Variants in POM121C observed in about 807,000 individuals in gnomAD.
POM121C encodes the protein POM121 transmembrane nucleoporin C.
POM121C carries 20 observed loss-of-function variants against 66.4 expected under a neutral mutation model. The observed-to-expected ratio is 0.30, with a 90% CI of 0.21 to 0.44. The LOEUF is 0.44. POM121C is among the 20% of genes least tolerant of loss of function. The pLI, the probability that POM121C is intolerant of heterozygous loss-of-function variation, is 1.00. For missense variants in POM121C, 580 were observed against 1,225.7 expected (o/e 0.47, Z 7.87); for synonymous variants, 286 against 528.0 (o/e 0.54, Z 6.28).
chr7:75,425,262 C>T, intron 9 of POM121C, 67 bp from the exon 10 acceptor site: 3 of 1,024,566 alleles, frequency 2.9e-6, no homozygotes, highest in Non-Finnish European at 4.2e-6. Flanking sequence ...TGTGTCTACC[C>T]ACTTCGCATT....
chr7:75,469,242 G>C (rs1407756208), intron 3 of POM121C, among the ~76,000 whole-genome samples: 2 of 151,988 alleles, frequency 1.3e-5, no homozygotes, highest in African/African-American at 4.8e-5. Context: ...TGGGACTACA[G>C]GCATGCACTA....
At chr7:75,441,265 G>A (rs1481516056) in intron 4 of POM121C, 150 bp from the exon 5 acceptor site, 20 of 1,351,110 alleles carry the variant, frequency 1.5e-5, no homozygotes, top group South Asian at 1.4e-4. Context: ...TTTCGTTAAC[G>A]GCAAAAAGTG....
intron 7 of POM121C, among the ~76,000 whole-genome samples, chr7:75,434,695 G>A (rs1790339050): frequency 6.6e-6 from 1 of 150,664 alleles, no homozygotes; most frequent in Non-Finnish European, 1.5e-5. Context: ...AGATTCTCCT[G>A]CCTCAGCGTC....
At chr7:75,433,712 G>A (rs587685933) in intron 7 of POM121C, among the ~76,000 whole-genome samples, 1 of 152,212 alleles carries the variant, frequency 6.6e-6, no homozygotes, top group Admixed American at 6.5e-5. Flanking sequence ...TCTGACCCTT[G>A]TTTTTTATAT....
rs782711347 is a variant in POM121C, at chr7:75,468,847, C to A, written c.-152+5857G>T. On this transcript the variant is annotated intron_variant, in intron 3 of 14. Transcript: ENST00000615331. ...GACCAGCCTGGGCAACTTAGTGAGACCCCATCTGTCTATTTATTTTTAAAA... is the reference window on the plus strand; with the variant it reads ...GACCAGCCTGGGCAACTTAGTGAGAACCCATCTGTCTATTTATTTTTAAAA... Among the ~76,000 whole-genome samples, 3 of 152,256 alleles carry A rather than the reference C, an allele frequency of 2.0e-5. No homozygotes were observed. In the South Asian group the frequency reaches 6.2e-4, roughly 32 times the overall value.
At chr7:75,425,542 T>A in intron 9 of POM121C, 93 bp downstream of exon 9, 1 of 1,166,484 alleles carries the variant, frequency 8.6e-7, no homozygotes, top group African/African-American at 1.5e-5. Context: ...ATAGCAATGC[T>A]CAAGACCTTT....
At chr7:75,441,774 C>T in intron 3 of POM121C, 127 bp from the exon 4 acceptor site, 5 of 930,694 alleles carry the variant, frequency 5.4e-6, no homozygotes. Context: ...CAACACAGAA[C>T]ACGTTGTTTT....
chr7:75,485,978 G>A lies in POM121C; in HGVS notation c.-572C>T, dbSNP rs1792527124. 2.0e-6 allele frequency: 1 copy of A among 495,678 alleles called. No homozygotes were observed. Among genetic ancestry groups the A allele is most frequent in the South Asian group, 1.5e-5 (1 of 68,870 alleles). The allele number at this position is 495,678 out of a possible 1,614,324, so 30.7% of individuals were successfully genotyped here. ...CCCTCCTGTCCACCTCACCAAGGCT[G>A]TTCTGCTCCCGAGGGGCCCGGGCCG... On this transcript the variant is annotated 5_prime_UTR_variant, in exon 1 of 15. Coordinates refer to ENST00000615331, the MANE Select transcript of POM121C (RefSeq NM_001099415.3).
rs1283554869 is a variant in POM121C at position 75,425,467 on chromosome 7, C to A, written c.646+168G>T. On this transcript the variant is annotated intron_variant, in intron 9 of 14. Transcript: ENST00000615331. Reference sequence around the variant, plus strand: ...TAGCCCCCATCTGTAGCCTTTCTCCCTCATCAGACTATAAACTTCTGAAGG... The same window carrying A: ...TAGCCCCCATCTGTAGCCTTTCTCCATCATCAGACTATAAACTTCTGAAGG... The A allele has an allele frequency of 1.1e-5, 15 of 1,344,996 alleles. 1 individual carries two copies. The highest frequency in any genetic ancestry group is 1.0e-5 in the Non-Finnish European group (10 of 998,682). 83.3% of individuals were successfully genotyped at this position (1,344,996 alleles called of 1,614,324 possible).
At chr7:75,423,370 G>A (rs1301943437) in intron 12 of POM121C, among the ~76,000 whole-genome samples, 167 bp from the exon 13 acceptor site, 1 of 151,342 alleles carries the variant, frequency 6.6e-6, no homozygotes, top group Non-Finnish European at 1.5e-5. Context: ...TCAAGGAAGT[G>A]TTCATTATTT....
At chr7:75,456,595 T>G (rs1324431056) in intron 3 of POM121C, among the ~76,000 whole-genome samples, 22 of 152,224 alleles carry the variant, frequency 1.4e-4, no homozygotes, top group African/African-American at 4.8e-4. Flanking sequence ...TGCAGGCTCT[T>G]TAGCAAGGTG....
chr7:75,481,307 G>A (rs1341142206), intron 1 of POM121C, among the ~76,000 whole-genome samples: 2 of 151,034 alleles, frequency 1.3e-5, no homozygotes, highest in African/African-American at 4.9e-5. Flanking sequence ...ATTTCAAAAG[G>A]ACTCAGAAAC....
At chr7:75,455,175 C>T (rs1305851949) in intron 3 of POM121C, among the ~76,000 whole-genome samples, 2 of 152,182 alleles carry the variant, frequency 1.3e-5, no homozygotes, top group Non-Finnish European at 2.9e-5. Context: ...AATTTCAACA[C>T]GGCTGTAGGC....
At position 75,422,847 on chromosome 7, in the gene POM121C, C is replaced by G. The variant is rs782357002; in HGVS notation, c.1405G>C (p.Ala469Pro). The G allele has an allele frequency of 1.6e-5, 25 of 1,523,462 alleles. 4 individuals are homozygous for G. The African/African-American group carries it at 3.5e-4, about 21-fold the overall frequency. The allele number at this position is 1,523,462 out of a possible 1,614,324, so 94.4% of individuals were successfully genotyped here. The change falls in exon 13 of 15, where the codon GCT (alanine) becomes CCT (proline). Residue 469 changes from alanine to proline, a missense_variant. Transcript: ENST00000615331. ...CCTTCCTTCTCACTCTTGGGTGGAG[C>G]CGTGAAAATGGGCTTGAACATGGGA... ...ASPMFKPIFT[A>P]PPKSEKEGLT...
At chr7:75,483,302 A>T (rs1226907649) in intron 1 of POM121C, among the ~76,000 whole-genome samples, 2 of 152,188 alleles carry the variant, frequency 1.3e-5, no homozygotes, top group Admixed American at 1.3e-4. Flanking sequence ...AGTCCCAGAA[A>T]ATCTTTTAAG....
At chr7:75,439,574 C>T (rs1438509980) in intron 5 of POM121C, among the ~76,000 whole-genome samples, 1 of 151,978 alleles carries the variant, frequency 6.6e-6, no homozygotes, top group Non-Finnish European at 1.5e-5. Flanking sequence ...TTTGTACAGG[C>T]GAGGGCTCCC....
intron 3 of POM121C, among the ~76,000 whole-genome samples, chr7:75,463,002 G>A (rs1274335801): frequency 6.6e-6 from 1 of 152,032 alleles, no homozygotes; most frequent in Non-Finnish European, 1.5e-5. Context: ...CTCCCTGCAG[G>A]CAGGGAGTAA....
intron 7 of POM121C, among the ~76,000 whole-genome samples, chr7:75,427,655 G>GT (rs1790009968): frequency 6.6e-6 from 1 of 151,862 alleles, no homozygotes; most frequent in African/African-American, 2.4e-5. Context: ...AAATAGTCTC[G>GT]TAAGTGCTGA....
intron 3 of POM121C, among the ~76,000 whole-genome samples, chr7:75,449,215 G>GGAAT (rs1247433641): frequency 1.3e-5 from 2 of 150,642 alleles, no homozygotes; most frequent in Non-Finnish European, 3.0e-5. Flanking sequence ...GGCTACTGAG[G>GGAAT]GAATGATGTA....
Sources: allele counts gnomAD v4.1 joint callset (sites outside exome capture counted in the v4.1 genomes callset), GRCh38; gene constraint gnomAD v4.1.1; transcripts MANE v1.5; gene names NCBI Gene and HGNC (gene_info 2026-07-23, HGNC 2026-07-21).